Variants in MALRD1 observed in about 807,000 individuals in gnomAD.
The protein encoded by MALRD1 is MAM and LDL-receptor class A domain-containing protein 1.
A neutral mutation model predicts 242.1 loss-of-function variants in MALRD1; 247 were observed. The ratio of observed to expected loss-of-function variants is 1.02; its 90% CI spans 0.92 to 1.13. The LOEUF (loss-of-function observed/expected upper bound fraction) is 1.13. MALRD1 is among the 50% of genes most tolerant of loss of function. The pLI, the probability that MALRD1 is intolerant of heterozygous loss-of-function variation, is 0.00. For missense variants in MALRD1, 2,989 were observed against 2,533.1 expected (o/e 1.18, Z -3.86); for synonymous variants, 995 against 866.6 (o/e 1.15, Z -2.60).
At chr10:19,185,095 T>G (rs1377324495) in intron 14 of MALRD1, among the ~76,000 whole-genome samples, 1 of 152,230 alleles carries the variant, frequency 6.6e-6, no homozygotes, top group Non-Finnish European at 1.5e-5. Flanking sequence ...CTTTCTTTCG[T>G]TCCAAGAGAT....
chr10:19,441,028 T>A (rs193192745), intron 28 of MALRD1, among the ~76,000 whole-genome samples: 32 of 152,268 alleles, frequency 2.1e-4, no homozygotes, highest in Admixed American at 2.0e-3. Flanking sequence ...TTTTTAATGA[T>A]CTCCATTCTA....
At chr10:19,607,498 A>G (rs1284791158) in intron 34 of MALRD1, among the ~76,000 whole-genome samples, 1 of 152,122 alleles carries the variant, frequency 6.6e-6, no homozygotes, top group Non-Finnish European at 1.5e-5. Flanking sequence ...GTTGCGGGTT[A>G]GGGTTTCAAG....
intron 36 of MALRD1, among the ~76,000 whole-genome samples, chr10:19,664,376 C>T (rs575021950): frequency 3.3e-5 from 5 of 152,064 alleles, no homozygotes; most frequent in African/African-American, 1.2e-4. Flanking sequence ...AATAATCATG[C>T]ACTCCAGGGA....
chr10:19,260,009 A>G (rs1839676805), intron 19 of MALRD1, among the ~76,000 whole-genome samples: 1 of 152,188 alleles, frequency 6.6e-6, no homozygotes, highest in Non-Finnish European at 1.5e-5. Context: ...AGTATTTGAC[A>G]CATACTAGTA....
intron 18 of MALRD1, among the ~76,000 whole-genome samples, chr10:19,228,135 C>T (rs1837879626): frequency 6.6e-6 from 1 of 151,604 alleles, no homozygotes; most frequent in Non-Finnish European, 1.5e-5. Flanking sequence ...CCGTACCAAG[C>T]CTCATCCTTG....
At chr10:19,472,892 G>A (rs1165478209) in intron 29 of MALRD1, among the ~76,000 whole-genome samples, 1 of 150,358 alleles carries the variant, frequency 6.7e-6, no homozygotes, top group Non-Finnish European at 1.5e-5. Context: ...ATTTATTTCT[G>A]TTCTAATCAT....
intron 28 of MALRD1, among the ~76,000 whole-genome samples, chr10:19,443,062 G>T (rs9417144): frequency 0.77 from 117,327 of 152,044 alleles, 45,884 homozygotes; most frequent in African/African-American, 0.9. Context: ...TGTATGTGTC[G>T]AGGAATTTAT....
At position 19,357,357 on chromosome 10, in the gene MALRD1, T is replaced by C. The variant is rs149478102; in HGVS notation, c.4441+5060T>C. On this transcript the variant is annotated intron_variant, in intron 26 of 39. Coordinates refer to ENST00000454679, the MANE Select transcript of MALRD1 (RefSeq NM_001142308.3). Reference sequence around the variant, plus strand: ...CATGTAATTTACTTAATGTCTGGCATATGGTAGGAATTTTTCAAAAAAAAA... The same window carrying C: ...CATGTAATTTACTTAATGTCTGGCACATGGTAGGAATTTTTCAAAAAAAAA... 1.7e-3 allele frequency among the ~76,000 whole-genome samples: 256 copies of C among 152,108 alleles called. 1 individual carries two copies. The highest frequency in any genetic ancestry group is 6.1e-3 in the African/African-American group (251 of 41,474).
chr10:19,617,890 C>T (rs755948765), intron 36 of MALRD1, among the ~76,000 whole-genome samples: 3 of 151,998 alleles, frequency 2.0e-5, no homozygotes, highest in Non-Finnish European at 4.4e-5. Context: ...TAAGTAAGCT[C>T]ATCATGGGGG....
intron 4 of MALRD1, 47 bp from the exon 5 acceptor site, chr10:19,103,932 C>A (rs1836372644): frequency 2.7e-6 from 3 of 1,113,270 alleles, no homozygotes; most frequent in South Asian, 4.6e-5. Context: ...CAGTGATGTT[C>A]CTTGCTTTAT....
chr10:19,714,634 A>T (rs75173598), intron 38 of MALRD1, among the ~76,000 whole-genome samples: 6,911 of 152,124 alleles, frequency 0.045, 214 homozygotes, highest in Non-Finnish European at 0.072. Flanking sequence ...TCTACCCAGC[A>T]CTTCCCTGTC....
At chr10:19,473,599 T>C (rs1836599330) in intron 29 of MALRD1, among the ~76,000 whole-genome samples, 1 of 152,154 alleles carries the variant, frequency 6.6e-6, no homozygotes. Context: ...ACTGGTTTAT[T>C]TCATTTAGCA....
At chr10:19,058,252 A>G (rs999206052) in intron 1 of MALRD1, among the ~76,000 whole-genome samples, 33 of 152,234 alleles carry the variant, frequency 2.2e-4, no homozygotes, top group East Asian at 1.9e-4. Context: ...TGAAACATCA[A>G]TACCAACCAC....
chr10:19,378,597 A>G (rs900241862), intron 26 of MALRD1, among the ~76,000 whole-genome samples: 2 of 152,174 alleles, frequency 1.3e-5, no homozygotes, highest in East Asian at 3.8e-4. Flanking sequence ...ATTTAAAAAT[A>G]TCTTGTGATT....
intron 23 of MALRD1, among the ~76,000 whole-genome samples, chr10:19,330,297 G>A (rs1843306865): frequency 6.6e-6 from 1 of 150,724 alleles, no homozygotes. Context: ...CATGTTAAGA[G>A]GAGAACACCT....
chr10:19,272,411 A>T (rs768412878), intron 19 of MALRD1, among the ~76,000 whole-genome samples: 1 of 152,224 alleles, frequency 6.6e-6, no homozygotes, highest in Non-Finnish European at 1.5e-5. Flanking sequence ...CTATAATCCA[A>T]TTGGAAAAAG....
intron 29 of MALRD1, among the ~76,000 whole-genome samples, chr10:19,480,100 G>A (rs1345307888): frequency 6.6e-6 from 1 of 152,226 alleles, no homozygotes; most frequent in Non-Finnish European, 1.5e-5. Flanking sequence ...GGAGGGACAA[G>A]TGCGTGAAAG....
chr10:19,195,082 C>T (rs1220657176), intron 14 of MALRD1, among the ~76,000 whole-genome samples: 3 of 152,158 alleles, frequency 2.0e-5, no homozygotes, highest in Non-Finnish European at 2.9e-5. Context: ...TGTATTCAGG[C>T]GGTCTGTGAC....
chr10:19,295,836 T>C (rs1021806734), intron 21 of MALRD1, among the ~76,000 whole-genome samples: 8 of 152,136 alleles, frequency 5.3e-5, no homozygotes, highest in African/African-American at 1.4e-4. Context: ...CACAGGAATC[T>C]TGGGCTCATT....
Sources: gnomAD v4.1 joint callset for allele counts (sites outside exome capture counted in the v4.1 genomes callset) on GRCh38, gnomAD v4.1.1 for gene constraint, MANE v1.5 for transcripts, NCBI Gene and HGNC (gene_info 2026-07-23, HGNC 2026-07-21) for gene names.